The following STUM variants were observed in gnomAD, a reference collection of about 807,000 sequenced individuals.
The protein encoded by STUM is stum, mechanosensory transduction mediator homolog.
STUM carries 8 observed loss-of-function variants against 15.3 expected under a neutral mutation model. That is an observed-to-expected ratio of 0.52 (90% CI 0.31 to 0.94). STUM has a LOEUF of 0.94. Ranked by LOEUF, STUM falls within the 40% of genes least tolerant of loss-of-function variation. The pLI is 0.05. For missense variants in STUM, 142 were observed against 204.9 expected (o/e 0.69, Z 1.87); for synonymous variants, 78 against 88.7 (o/e 0.88, Z 0.68).
Position 226,548,998 on chromosome 1 carries a change from G to C in STUM, c.94G>C (p.Val32Leu), listed in dbSNP as rs1165362090. Reference protein sequence around the residue: ...PRGASSSSGVVVQVREKKGPL... With the variant: ...PRGASSSSGVLVQVREKKGPL... ...GGGGGCGTCCTCGTCCAGCGGGGTG[G>C]TGGTGCAGGTCCGCGAGAAGAAGGG... Residue 32 changes from valine to leucine, a missense_variant, in exon 1 of 4, where the codon GTG becomes CTG. This residue lies in a region of STUM where 113 missense variants were observed against 134.4 expected (regional missense o/e 0.84). Transcript: ENST00000366788. The C allele has an allele frequency of 7.1e-6, 11 of 1,559,150 alleles. No individual in the cohort carries two copies. Among genetic ancestry groups the C allele is most frequent in the African/African-American group, 1.4e-5 (1 of 70,718 alleles).
chr1:226,575,045 C>T (rs1667786937), intron 1 of STUM, among the ~76,000 whole-genome samples: 2 of 152,188 alleles, frequency 1.3e-5, no homozygotes, highest in African/African-American at 2.4e-5. Context: ...TGTGGACTCA[C>T]TGGCTGCTCA....
chr1:226,569,032 C>T (rs142366396), intron 1 of STUM, among the ~76,000 whole-genome samples: 1 of 113,028 alleles, frequency 8.8e-6, no homozygotes, highest in Non-Finnish European at 1.8e-5. Flanking sequence ...GCATGCTTCC[C>T]CAAGTTTTGG....
chr1:226,601,646 G>A (rs530512833), intron 3 of STUM, among the ~76,000 whole-genome samples: 6 of 152,170 alleles, frequency 3.9e-5, no homozygotes, highest in African/African-American at 7.2e-5. Context: ...CCCAACCTTC[G>A]GGGAAGCCTG....
At chr1:226,597,687 C>A (rs1243312807) in intron 2 of STUM, among the ~76,000 whole-genome samples, 2 of 152,234 alleles carry the variant, frequency 1.3e-5, no homozygotes, top group African/African-American at 4.8e-5. Flanking sequence ...CCAGGGCACA[C>A]ACAAATGGCA....
intron 1 of STUM, among the ~76,000 whole-genome samples, chr1:226,594,087 TGAG>T (rs963129052): frequency 3.4e-4 from 52 of 152,086 alleles, no homozygotes; most frequent in African/African-American, 1.2e-3. Flanking sequence ...GTGGTTACGA[TGAG>T]GAGGAGGAAA....
At chr1:226,601,892 T>C (rs1417299678) in intron 3 of STUM, 114 bp from the exon 4 acceptor site, 1 of 822,642 alleles carries the variant, frequency 1.2e-6, no homozygotes, top group African/African-American at 1.7e-5. Flanking sequence ...AGCAGTCATT[T>C]ACACCTTAGT....
intron 1 of STUM, among the ~76,000 whole-genome samples, chr1:226,574,848 G>A (rs527876820): frequency 5.6e-4 from 85 of 152,328 alleles, no homozygotes; most frequent in African/African-American, 1.6e-3. Flanking sequence ...CCCAGAGGGC[G>A]TGTCTCGGGG....
At position 226,549,817 on chromosome 1, in the gene STUM, A is replaced by T. The variant is rs1448840275; in HGVS notation, c.202+711A>T. Among the ~76,000 whole-genome samples, 2 of 152,154 alleles carry T rather than the reference A, an allele frequency of 1.3e-5. No homozygotes were observed. The highest frequency in any genetic ancestry group is 2.9e-5 in the Non-Finnish European group (2 of 68,014). ...TTCCTGAGAAGTAGAGAGTGCGCCG[A>T]TGTAATTCTGTGCAGGACTCCGGCA... On this transcript the variant is annotated intron_variant, in intron 1 of 3. Coordinates refer to ENST00000366788, the MANE Select transcript of STUM (RefSeq NM_001003665.4). The surrounding 1 kb of genome is among the most constrained non-coding windows in gnomAD (Gnocchi z 6.8).
At chr1:226,568,883 G>A (rs1215430352) in intron 1 of STUM, among the ~76,000 whole-genome samples, 1 of 152,268 alleles carries the variant, frequency 6.6e-6, no homozygotes, top group African/African-American at 2.4e-5. Flanking sequence ...GTAAGGATAA[G>A]CAGAAGCAGA....
At position 226,548,857 on chromosome 1, in the gene STUM, G is replaced by A. The variant is rs1667319272; in HGVS notation, c.-48G>A. 7.8e-7 allele frequency: 1 copy of A among 1,289,470 alleles called. No individual in the cohort carries two copies. The highest frequency in any genetic ancestry group is 3.2e-5 in the East Asian group (1 of 31,026). The allele number at this position is 1,289,470 out of a possible 1,614,324, so 79.9% of individuals were successfully genotyped here. On this transcript the variant is annotated 5_prime_UTR_variant, in exon 1 of 4. Transcript: ENST00000366788. ...ACAGTCTCCTGCTCCCGTACGCTGGGCGCCAGCTCCGGCCGTGCTGCCCGG... is the reference window on the plus strand; with the variant it reads ...ACAGTCTCCTGCTCCCGTACGCTGGACGCCAGCTCCGGCCGTGCTGCCCGG...
In STUM at chr1:226,579,805, A is replaced by G. The variant is rs548603920; in HGVS notation, c.203-16997A>G. ...ACTGCCCCCAACTAATTAAAAAAAA[A>G]ATTTTTTTTTGTAGAGATGGAGCCT... On this transcript the variant is annotated intron_variant, in intron 1 of 3. Coordinates refer to ENST00000366788, the MANE Select transcript of STUM (RefSeq NM_001003665.4). 2.6e-5 allele frequency among the ~76,000 whole-genome samples: 4 copies of G among 152,058 alleles called. No individual in the cohort carries two copies. In the South Asian group the frequency reaches 8.3e-4, roughly 32 times the overall value.
chr1:226,574,556 T>C lies in STUM; in HGVS notation c.203-22246T>C, dbSNP rs183185087. Among the ~76,000 whole-genome samples, 4 of 152,330 alleles carry C rather than the reference T, an allele frequency of 2.6e-5. No homozygotes were observed. The East Asian group carries it at 7.7e-4, about 29-fold the overall frequency. ...ATGAGACGCTTGGATCGGCCAGACC[T>C]GTATCATGTGCCCACCTTGGGAATT... On this transcript the variant is annotated intron_variant, in intron 1 of 3. Coordinates refer to ENST00000366788, the MANE Select transcript of STUM (RefSeq NM_001003665.4).
intron 2 of STUM, among the ~76,000 whole-genome samples, chr1:226,599,173 A>G (rs1558288171): frequency 6.6e-6 from 1 of 152,166 alleles, no homozygotes; most frequent in Non-Finnish European, 1.5e-5. Flanking sequence ...GGGAGTTACA[A>G]TTCAAGATGA....
At chr1:226,584,300 G>A (rs981434075) in intron 1 of STUM, among the ~76,000 whole-genome samples, 7 of 152,178 alleles carry the variant, frequency 4.6e-5, no homozygotes, top group South Asian at 2.1e-4. Context: ...TTTTTATAGC[G>A]TGGTGGCTGG....
intron 1 of STUM, among the ~76,000 whole-genome samples, chr1:226,569,632 G>C (rs1667675260): frequency 6.6e-6 from 1 of 152,220 alleles, no homozygotes; most frequent in African/African-American, 2.4e-5. Flanking sequence ...CAGAAATGGA[G>C]TGGGGCCAGA....
intron 1 of STUM, among the ~76,000 whole-genome samples, chr1:226,589,291 A>G (rs1668047802): frequency 6.6e-6 from 1 of 152,102 alleles, no homozygotes; most frequent in South Asian, 2.1e-4. Context: ...TCCTGATGGG[A>G]GACTGTACCA....
chr1:226,575,341 C>T (rs532328191), intron 1 of STUM, among the ~76,000 whole-genome samples: 1 of 152,258 alleles, frequency 6.6e-6, no homozygotes, highest in East Asian at 1.9e-4. Flanking sequence ...TGACTTCTCA[C>T]CCGAAAGTTG....
chr1:226,571,862 A>G (rs1667717140), intron 1 of STUM, among the ~76,000 whole-genome samples: 2 of 151,916 alleles, frequency 1.3e-5, no homozygotes, highest in Non-Finnish European at 2.9e-5. Context: ...CTGGTCTCGA[A>G]CTCCTGACCT....
intron 1 of STUM, among the ~76,000 whole-genome samples, chr1:226,587,748 C>T (rs963298731): frequency 6.6e-6 from 1 of 152,122 alleles, no homozygotes; most frequent in African/African-American, 2.4e-5. Flanking sequence ...AGACAGAAGG[C>T]CACCTGTCCA....
Sources: allele counts gnomAD v4.1 joint callset (sites outside exome capture counted in the v4.1 genomes callset), GRCh38; gene constraint gnomAD v4.1.1; regional missense constraint gnomAD v4.1.1; non-coding constraint Gnocchi (gnomAD v3.1); transcripts MANE v1.5; gene names NCBI Gene and HGNC (gene_info 2026-07-23, HGNC 2026-07-21).